Variants in ENKD1 observed in about 807,000 individuals in gnomAD.
ENKD1 encodes the protein enkurin domain-containing protein 1.
A neutral mutation model predicts 35.8 loss-of-function variants in ENKD1; 39 were observed. The observed-to-expected ratio is 1.09, with a 90% CI of 0.84 to 1.42. The LOEUF (loss-of-function observed/expected upper bound fraction) is 1.42. Ranked by LOEUF, ENKD1 falls within the 40% of genes most tolerant of loss-of-function variation. The probability of loss-of-function intolerance (pLI) is 0.00; values close to 1 mark genes in which losing one functional copy is unlikely to be tolerated. For synonymous variants in ENKD1, 205 were observed against 198.6 expected, an observed-to-expected ratio of 1.03 and a Z score of -0.27; for missense variants, 474 against 471.3, an observed-to-expected ratio of 1.01 and a Z score of -0.05.
rs1048019716 is a variant in ENKD1 at position 67,666,384 on chromosome 16, G to A, written c.59C>T (p.Pro20Leu). The change falls in exon 1 of 7, where the codon CCT (proline) becomes CTT (leucine). Residue 20 changes from proline (P) to leucine (L), a missense_variant. Coordinates refer to ENST00000243878, the MANE Select transcript of ENKD1 (RefSeq NM_032140.3). ...CGAGGTCGGCCGCCTGTAGTTGTCA[G>A]GACAGAGCGTCGGGTCTGGGGGGAT... ...GPIPPDPTLC[P>L]DNYRRPTSAQ... 6.3e-6 allele frequency: 10 copies of A among 1,576,054 alleles called. No individual in the cohort carries two copies. Among genetic ancestry groups the A allele is most frequent in the Non-Finnish European group, 7.7e-6 (9 of 1,167,838 alleles).
At position 67,666,561 on chromosome 16, in the gene ENKD1, G is replaced by T; in HGVS notation, c.-119C>A. The T allele has an allele frequency of 1.0e-6, 1 of 976,072 alleles. No homozygotes were observed. The highest frequency in any genetic ancestry group is 1.4e-6 in the Non-Finnish European group (1 of 713,024). The allele number at this position is 976,072 out of a possible 1,614,324, so 60.5% of individuals were successfully genotyped here. On this transcript the variant is annotated 5_prime_UTR_variant, in exon 1 of 7. Transcript: ENST00000243878. ...TCGCCCGGCACCCTGACCCTGGCGT[G>T]CCCGCCACTCCCGGGCCCCTGCCGG... is the stretch of plus-strand genomic sequence containing the variant.
Position 67,666,681 on chromosome 16 carries a change from C to A in ENKD1, c.-239G>T, listed in dbSNP as rs2053108620. 4.0e-6 allele frequency: 2 copies of A among 499,620 alleles called. No individual in the cohort carries two copies. The highest frequency in any genetic ancestry group is 6.9e-6 in the Non-Finnish European group (2 of 288,260). The allele number at this position is 499,620 out of a possible 1,614,324, so 30.9% of individuals were successfully genotyped here. A position where few individuals can be genotyped will look rare whatever the true frequency, so the allele number is the denominator to read the frequency against. On this transcript the variant is annotated 5_prime_UTR_variant, in exon 1 of 7. Coordinates refer to ENST00000243878, the MANE Select transcript of ENKD1 (RefSeq NM_032140.3). ...CTCGCGGCCTCTCCCCCGCGGCACTCGGGCAGGGGCTCACTCGAGAGGTTT... is the reference window on the plus strand; with the variant it reads ...CTCGCGGCCTCTCCCCCGCGGCACTAGGGCAGGGGCTCACTCGAGAGGTTT...
chr16:67,666,337 C>T, intron 1 of ENKD1, 21 bp downstream of exon 1: 2 of 1,583,536 alleles, frequency 1.3e-6, no homozygotes, highest in Non-Finnish European at 8.5e-7. Flanking sequence ...CCTCGCACCA[C>T]CGCCAAGCCC....
rs912183492 is a variant in ENKD1 at position 67,666,711 on chromosome 16, G to C, written c.-269C>G. ...AGGGGCTCACTCGAGAGGTTTTGCC[G>C]CCAGCCGCTGCCACCCGACGGGACT... On this transcript the variant is annotated 5_prime_UTR_variant, in exon 1 of 7. Transcript: ENST00000243878. The C allele has an allele frequency of 8.3e-6, 4 of 480,010 alleles. No individual in the cohort carries two copies. The highest frequency in any genetic ancestry group is 4.0e-5 in the Admixed American group (1 of 24,906). 29.7% of individuals were successfully genotyped at this position (480,010 alleles called of 1,614,324 possible). A position where few individuals can be genotyped will look rare whatever the true frequency, so the allele number is the denominator to read the frequency against.
Position 67,664,828 on chromosome 16 carries a change from C to T in ENKD1, c.453+168G>A, listed in dbSNP as rs2053078528. 6.6e-6 allele frequency: 5 copies of T among 758,302 alleles called. No individual in the cohort carries two copies. In the Admixed American group the frequency reaches 1.3e-4, roughly 19 times the overall value. 47.0% of individuals were successfully genotyped at this position (758,302 alleles called of 1,614,324 possible). A position where few individuals can be genotyped will look rare whatever the true frequency, so the allele number is the denominator to read the frequency against. On this transcript the variant is annotated intron_variant, in intron 3 of 6. Coordinates refer to ENST00000243878, the MANE Select transcript of ENKD1 (RefSeq NM_032140.3). ...CTACTTGCCCTCAGGATCAGCCCCA[C>T]CATCACTACTTCTGAGAAGCCCCCC...
chr16:67,665,993 G>A, intron 2 of ENKD1, 78 bp downstream of exon 2: 2 of 1,483,316 alleles, frequency 1.3e-6, no homozygotes, highest in Non-Finnish European at 9.2e-7. Context: ...CCCACGTCAG[G>A]GTGGAAAGAG....
At chr16:67,664,840 C>G (rs896710302) in intron 3 of ENKD1, 156 bp downstream of exon 3, 1 of 905,218 alleles carries the variant, frequency 1.1e-6, no homozygotes, top group African/African-American at 1.7e-5. Context: ...ATCACTACTT[C>G]TGAGAAGCCC....
Position 67,663,204 on chromosome 16 carries a change from T to C in ENKD1, c.998A>G (p.Lys333Arg), listed in dbSNP as rs772586530. Residue 333 changes from lysine to arginine, a missense_variant, in exon 7 of 7, where the codon AAG becomes AGG. Lys to Arg is a conservative substitution (Grantham distance 26). Coordinates refer to ENST00000243878, the MANE Select transcript of ENKD1 (RefSeq NM_032140.3). ...GAAGACTTTGGGCCGAGAAAAGATC[T>C]TGATGGCCTCCTCTACCTGCACCAG... is the stretch of plus-strand genomic sequence containing the variant. ...RKLVQVEEAI[K>R]IFSRPKVFVK... 5.0e-6 allele frequency: 8 copies of C among 1,613,942 alleles called. No homozygotes were observed. Among genetic ancestry groups the C allele is most frequent in the Middle Eastern group, 1.6e-4 (1 of 6,084 alleles).
In ENKD1 at chr16:67,663,226, C is replaced by T. The variant is rs759902558; in HGVS notation, c.976G>A (p.Val326Met). The T allele has an allele frequency of 6.2e-7, 1 of 1,614,046 alleles. No homozygotes were observed. Among genetic ancestry groups the T allele is most frequent in the South Asian group, 1.1e-5 (1 of 91,084 alleles). Residue 326 changes from valine (V) to methionine (M), a missense_variant, in exon 7 of 7, where the codon GTG (valine) becomes ATG (methionine). Val to Met is a conservative substitution (Grantham distance 21). Coordinates refer to ENST00000243878, the MANE Select transcript of ENKD1 (RefSeq NM_032140.3). ...ATCTTGATGGCCTCCTCTACCTGCA[C>T]CAGCTTCCGGTCCAGCTCAGCACGG... is the stretch of plus-strand genomic sequence containing the variant. ...SHRAELDRKLVQVEEAIKIFS... is the reference protein window; with the variant it reads ...SHRAELDRKLMQVEEAIKIFS...
chr16:67,663,806 C>A lies in ENKD1; in HGVS notation c.594G>T (p.Gly198=). 6.2e-7 allele frequency: 1 copy of A among 1,605,910 alleles called. No individual in the cohort carries two copies. Among genetic ancestry groups the A allele is most frequent in the Non-Finnish European group, 8.5e-7 (1 of 1,175,836 alleles). Reference sequence around the variant, plus strand: ...GTGCATTGTGACGAATGAAGTCCACCCCCAGGCCTGGCTCCTGCAGGACAC... The same window carrying A: ...GTGCATTGTGACGAATGAAGTCCACACCCAGGCCTGGCTCCTGCAGGACAC... ...PGPEAKEPGL[G]VDFIRHNARA... The change falls in exon 5 of 7, where the codon GGG becomes GGT. Residue 198 remains glycine (G), a synonymous_variant. Coordinates refer to ENST00000243878, the MANE Select transcript of ENKD1 (RefSeq NM_032140.3).
chr16:67,663,598 G>C (rs761443530), intron 5 of ENKD1, 42 bp from the exon 6 acceptor site: 3 of 1,604,474 alleles, frequency 1.9e-6, no homozygotes, highest in Non-Finnish European at 2.6e-6. Flanking sequence ...CGAGGGCAGA[G>C]GTTGGTTCCC....
chr16:67,664,868 G>A, intron 3 of ENKD1, 128 bp downstream of exon 3: 3 of 1,237,034 alleles, frequency 2.4e-6, no homozygotes, highest in Non-Finnish European at 3.3e-6. Flanking sequence ...TCGCCCTGCA[G>A]CAGAGCCAGG....
Position 67,663,196 on chromosome 16 carries a change from A to T in ENKD1, c.1006T>A (p.Ser336Thr). 6.2e-7 allele frequency: 1 copy of T among 1,614,064 alleles called. No homozygotes were observed. Among genetic ancestry groups the T allele is most frequent in the Non-Finnish European group, 8.5e-7 (1 of 1,180,028 alleles). ...ATCTTCACGAAGACTTTGGGCCGAG[A>T]AAAGATCTTGATGGCCTCCTCTACC... ...VQVEEAIKIF[S>T]RPKVFVKMDD Residue 336 changes from serine (S) to threonine (T), a missense_variant, in exon 7 of 7, where the codon TCT (serine) becomes ACT (threonine). Physicochemically the swap from Ser to Thr is moderately conservative, Grantham distance 58. Coordinates refer to ENST00000243878, the MANE Select transcript of ENKD1 (RefSeq NM_032140.3).
Position 67,663,484 on chromosome 16 carries a change from C to A in ENKD1, c.816G>T (p.Met272Ile). The change falls in exon 6 of 7, where the codon ATG becomes ATT. Residue 272 changes from methionine (M) to isoleucine (I), a missense_variant. Transcript: ENST00000243878. The stretch of plus-strand genomic sequence containing the variant: ...CAGGCATGCGCGTGTGGCCTGGGGG[C>A]ATGGCAGGGTCCGGCTGGCTCTGCT... ...ARKQSQPDPA[M>I]PPGHTRMPEN... 6.2e-7 allele frequency: 1 copy of A among 1,613,068 alleles called. No homozygotes were observed. The highest frequency in any genetic ancestry group is 1.1e-5 in the South Asian group (1 of 91,076).
At position 67,663,961 on chromosome 16, in the gene ENKD1, T is replaced by A. The variant is rs752648263; in HGVS notation, c.555A>T (p.Pro185=). The A allele has an allele frequency of 6.2e-7, 1 of 1,602,520 alleles. No individual in the cohort carries two copies. Among genetic ancestry groups the A allele is most frequent in the South Asian group, 1.1e-5 (1 of 89,024 alleles). ...LPPPHVSSPQ[P]TPPGPEAKEP... ...CCTTAGCTTCGGGACCTGGTGGGGT[T>A]GGCTGGGGACTAGATACATGGGGTG... is the stretch of plus-strand genomic sequence containing the variant. The change falls in exon 4 of 7, where the codon CCA becomes CCT. Residue 185 remains proline, a synonymous_variant. Transcript: ENST00000243878.
In ENKD1 at chr16:67,664,081, C is replaced by G; in HGVS notation, c.454-19G>C. ...CAGGCTCCTGGAGGGCAGGGCACAG[C>G]AGAGAGAGCAGGCAGGCTGAGGTCT... On this transcript the variant is annotated intron_variant, in intron 3 of 6. Transcript: ENST00000243878. 1 of 1,550,506 alleles carries G rather than the reference C, an allele frequency of 6.4e-7. No homozygotes were observed. The highest frequency in any genetic ancestry group is 1.2e-5 in the South Asian group (1 of 84,186).
intron 3 of ENKD1, chr16:67,664,369 A>G: frequency 2.2e-6 from 1 of 446,436 alleles, no homozygotes; most frequent in Non-Finnish European, 4.2e-6. Flanking sequence ...AAGTCCTCAA[A>G]TCCAGGCGGT....
At chr16:67,664,203 C>T in intron 3 of ENKD1, 141 bp from the exon 4 acceptor site, 1 of 746,942 alleles carries the variant, frequency 1.3e-6, no homozygotes, top group Non-Finnish European at 2.3e-6. Flanking sequence ...CACTTGTCCT[C>T]ATCAGCACAC....
chr16:67,664,887 G>C, intron 3 of ENKD1, 109 bp downstream of exon 3: 2 of 1,383,690 alleles, frequency 1.4e-6, no homozygotes, highest in Non-Finnish European at 1.9e-6. Flanking sequence ...GGGTCTCTTA[G>C]TCCTCTGTTA....
Sources: allele counts gnomAD v4.1 joint callset, GRCh38; gene constraint gnomAD v4.1.1; transcripts MANE v1.5; gene names NCBI Gene and HGNC (gene_info 2026-07-23, HGNC 2026-07-21).